Variants in TUSC3 observed in about 807,000 individuals in gnomAD.
TUSC3 encodes dolichyl-diphosphooligosaccharide--protein glycosyltransferase subunit TUSC3.
A neutral mutation model predicts 44.8 loss-of-function variants in TUSC3; 45 were observed. The observed-to-expected ratio is 1.00, with a 90% confidence interval of 0.79 to 1.29. The LOEUF is 1.29. TUSC3 is among the 50% of genes most tolerant of loss of function. TUSC3 has a pLI of 0.00. For missense variants in TUSC3, 519 were observed against 437.9 expected (o/e 1.19, Z -1.65); for synonymous variants, 212 against 152.9 (o/e 1.39, Z -2.85).
the TUSC3 span, among the ~76,000 whole-genome samples, chr8:15,802,666 A>AG: frequency 8.1e-6 from 1 of 123,758 alleles, no homozygotes. Flanking sequence ...AGGATTAATT[A>AG]CTTTTTTTTT....
At chr8:15,785,558 G>T in the TUSC3 span, among the ~76,000 whole-genome samples, 1 of 151,812 alleles carries the variant, frequency 6.6e-6, no homozygotes, top group South Asian at 2.1e-4. Context: ...GGGGGGAGTT[G>T]GGGGACGTTA....
intron 7 of TUSC3, among the ~76,000 whole-genome samples, chr8:15,730,989 G>T (rs1398730067): frequency 1.3e-5 from 2 of 151,862 alleles, no homozygotes; most frequent in Non-Finnish European, 2.9e-5. Flanking sequence ...CTACATTGAT[G>T]ATCTCTGGCT....
chr8:15,792,871 G>A, the TUSC3 span, among the ~76,000 whole-genome samples: 2 of 151,826 alleles, frequency 1.3e-5, no homozygotes, highest in Non-Finnish European at 2.9e-5. Context: ...CACCTGCCTC[G>A]GCCTCCCAAA....
intron 2 of TUSC3, among the ~76,000 whole-genome samples, chr8:15,498,435 C>T (rs1048066024): frequency 2.0e-5 from 3 of 152,060 alleles, no homozygotes; most frequent in Non-Finnish European, 4.4e-5. Context: ...GTAGGAGAAC[C>T]GGAGCAGGGA....
chr8:15,506,772 G>C (rs527529371), intron 2 of TUSC3, among the ~76,000 whole-genome samples: 2 of 152,220 alleles, frequency 1.3e-5, no homozygotes, highest in East Asian at 3.9e-4. Flanking sequence ...GAGGATTATA[G>C]GAGCTACATT....
At chr8:15,637,484 C>G (rs1443284621) in intron 2 of TUSC3, among the ~76,000 whole-genome samples, 2 of 152,000 alleles carry the variant, frequency 1.3e-5, no homozygotes, top group African/African-American at 4.8e-5. Flanking sequence ...TTTCTGTCTT[C>G]AACTGCTTGT....
intron 1 of TUSC3, among the ~76,000 whole-genome samples, chr8:15,450,975 C>T (rs527318036): frequency 5.3e-5 from 8 of 152,238 alleles, no homozygotes; most frequent in Non-Finnish European, 7.4e-5. Context: ...GACCCCATGA[C>T]TAACACCATG....
chr8:15,648,389 G>A (rs749620363), intron 2 of TUSC3, among the ~76,000 whole-genome samples: 1 of 151,992 alleles, frequency 6.6e-6, no homozygotes, highest in Non-Finnish European at 1.5e-5. Context: ...CTGACTAGAC[G>A]CGGGCAGACT....
intron 1 of TUSC3, among the ~76,000 whole-genome samples, chr8:15,587,172 A>G (rs1185899603): frequency 2.6e-5 from 4 of 152,142 alleles, no homozygotes; most frequent in Non-Finnish European, 5.9e-5. Flanking sequence ...TACTACTTAT[A>G]ACTTGGATTT....
chr8:15,840,323 A>C, the TUSC3 span, among the ~76,000 whole-genome samples: 5 of 152,140 alleles, frequency 3.3e-5, no homozygotes, highest in African/African-American at 4.8e-5. Context: ...ACATGTATAC[A>C]TATGTAACAA....
chr8:15,633,516 G>A (rs894034286), intron 2 of TUSC3, among the ~76,000 whole-genome samples: 1 of 152,230 alleles, frequency 6.6e-6, no homozygotes, highest in Non-Finnish European at 1.5e-5. Context: ...AATTAGTTAA[G>A]ATGAGGTGAT....
intron 1 of TUSC3, among the ~76,000 whole-genome samples, chr8:15,605,235 C>G (rs1027887567): frequency 6.6e-6 from 1 of 151,768 alleles, no homozygotes; most frequent in African/African-American, 2.4e-5. Context: ...TAACTCATGC[C>G]GCTACCTGGC....
intron 2 of TUSC3, among the ~76,000 whole-genome samples, chr8:15,496,200 A>T (rs754031891): frequency 6.6e-6 from 1 of 152,188 alleles, no homozygotes; most frequent in Non-Finnish European, 1.5e-5. Context: ...GCACAAAATC[A>T]TCTGCTACAT....
chr8:15,834,090 C>A, the TUSC3 span, among the ~76,000 whole-genome samples: 1 of 151,938 alleles, frequency 6.6e-6, no homozygotes, highest in Non-Finnish European at 1.5e-5. Flanking sequence ...TCTTATAGTA[C>A]TCTTCCCGAC....
At chr8:15,624,526 A>T (rs1805402308) in intron 2 of TUSC3, among the ~76,000 whole-genome samples, 1 of 152,308 alleles carries the variant, frequency 6.6e-6, no homozygotes, top group Admixed American at 6.5e-5. Context: ...GTAATACCTC[A>T]TTGTGATTTA....
At chr8:15,845,532 T>G in the TUSC3 span, among the ~76,000 whole-genome samples, 1 of 152,152 alleles carries the variant, frequency 6.6e-6, no homozygotes, top group Non-Finnish European at 1.5e-5. Flanking sequence ...GTCTAAAACA[T>G]TTTAAGGTTC....
chr8:15,550,496 A>T (rs1338270529), intron 1 of TUSC3, among the ~76,000 whole-genome samples: 1 of 151,720 alleles, frequency 6.6e-6, no homozygotes, highest in South Asian at 2.1e-4. Context: ...AGGTTTCCTC[A>T]TACCAGAGTT....
At chr8:15,723,994 T>C (rs1360771378) in intron 6 of TUSC3, among the ~76,000 whole-genome samples, 2 of 152,162 alleles carry the variant, frequency 1.3e-5, no homozygotes, top group Non-Finnish European at 2.9e-5. Flanking sequence ...AACCCCGCAG[T>C]GTGACTGTTT....
the TUSC3 span, among the ~76,000 whole-genome samples, chr8:15,825,952 G>A: frequency 2.7e-5 from 4 of 148,074 alleles, no homozygotes; most frequent in African/African-American, 5.0e-5. Flanking sequence ...TTTGCCTAGG[G>A]AAATTCATGT....
Sources: allele counts gnomAD v4.1 joint callset (sites outside exome capture counted in the v4.1 genomes callset), GRCh38; gene constraint gnomAD v4.1.1; transcripts MANE v1.5; gene names NCBI Gene and HGNC (gene_info 2026-07-23, HGNC 2026-07-21).